PHACTR1: variants seen among roughly 807,000 people sequenced by gnomAD.
PHACTR1 encodes RPEL repeat containing 1.
Under a neutral mutation model 69.2 loss-of-function variants are expected in PHACTR1, and 16 were observed. That is an observed-to-expected ratio of 0.23 (90% CI 0.16 to 0.35). The LOEUF is 0.35. PHACTR1 is among the 10% of genes least tolerant of loss of function. The pLI is 1.00. For missense variants in PHACTR1, 510 were observed against 734.7 expected, an observed-to-expected ratio of 0.69 and a Z score of 3.54; for synonymous variants, 312 against 284.5, an observed-to-expected ratio of 1.10 and a Z score of -0.97.
At chr6:12,740,139 G>A (rs778787720) in intron 3 of PHACTR1, among the ~76,000 whole-genome samples, 23 of 152,052 alleles carry the variant, frequency 1.5e-4, no homozygotes, top group Non-Finnish European at 2.6e-4. Context: ...TAAGAGATTC[G>A]TCCTTGTTGC....
chr6:12,929,286 T>G (rs561871414), intron 4 of PHACTR1, among the ~76,000 whole-genome samples: 1 of 152,132 alleles, frequency 6.6e-6, no homozygotes, highest in Admixed American at 6.6e-5. Flanking sequence ...CCGCTTCTCC[T>G]GCCCTAACCT....
intron 4 of PHACTR1, among the ~76,000 whole-genome samples, chr6:12,992,980 G>A (rs1390574440): frequency 2.6e-5 from 4 of 152,206 alleles, no homozygotes; most frequent in Non-Finnish European, 5.9e-5. Flanking sequence ...CATGTTGCCT[G>A]CTTCTTTACT....
At chr6:13,087,456 T>A (rs1160522758) in intron 5 of PHACTR1, among the ~76,000 whole-genome samples, 2 of 151,846 alleles carry the variant, frequency 1.3e-5, no homozygotes, top group Non-Finnish European at 2.9e-5. Context: ...ATTATCAAAC[T>A]AAATTCATGT....
rs539462464 is a variant in PHACTR1 at position 13,266,292 on chromosome 6, C to T, written c.1392-6568C>T. On this transcript the variant is annotated intron_variant, in intron 10 of 14. Transcript: ENST00000332995. ...CCTCCACCATTTCTTACCAGGTGTG[C>T]CAAGCCTCCCAAAGCCTCTGCTCGG... Among the ~76,000 whole-genome samples, 4 of 152,254 alleles carry T rather than the reference C, an allele frequency of 2.6e-5. No homozygotes were observed. The East Asian group carries it at 7.7e-4, about 29-fold the overall frequency.
At chr6:12,718,345 C>A (rs1418575654) in intron 2 of PHACTR1, 1 of 152,440 alleles carries the variant, frequency 6.6e-6, no homozygotes, top group Non-Finnish European at 1.5e-5. Context: ...ACGGCTGACA[C>A]TTAATGACGC....
At chr6:13,053,877 C>T (rs937531473) in intron 5 of PHACTR1, among the ~76,000 whole-genome samples, 2 of 152,074 alleles carry the variant, frequency 1.3e-5, no homozygotes, top group African/African-American at 4.8e-5. Flanking sequence ...TTCACTATTC[C>T]AGTAAAAGTG....
intron 4 of PHACTR1, among the ~76,000 whole-genome samples, chr6:12,796,511 G>T (rs1212405306): frequency 6.6e-6 from 1 of 152,180 alleles, no homozygotes; most frequent in Non-Finnish European, 1.5e-5. Flanking sequence ...GACTTCGGAT[G>T]TCTTGATTTT....
chr6:13,115,323 G>A (rs1387510773), intron 5 of PHACTR1, among the ~76,000 whole-genome samples: 1 of 152,094 alleles, frequency 6.6e-6, no homozygotes, highest in Non-Finnish European at 1.5e-5. Context: ...CAGCTACACA[G>A]TACATTCAGG....
chr6:13,083,020 A>C (rs1436335076), intron 5 of PHACTR1, among the ~76,000 whole-genome samples: 1 of 152,156 alleles, frequency 6.6e-6, no homozygotes, highest in Non-Finnish European at 1.5e-5. Flanking sequence ...GTCCTTGCCC[A>C]TGTCTATGTC....
In PHACTR1 at chr6:13,179,612, C is replaced by A. The variant is rs1011610838; in HGVS notation, c.497-2907C>A. ...CTTATTGAATGGTTTTCATTTCTTT[C>A]TACTAGATATGTATACACATATATG... On this transcript the variant is annotated intron_variant, in intron 6 of 14. Transcript: ENST00000332995. This position sits in a 1 kb window ranked among gnomAD's most constrained non-coding sequence, Gnocchi z 4.2. 1.1e-4 allele frequency among the ~76,000 whole-genome samples: 16 copies of A among 151,686 alleles called. No individual in the cohort carries two copies. The East Asian group carries it at 3.1e-3, about 29-fold the overall frequency.
At chr6:13,063,112 A>T (rs569445225) in intron 5 of PHACTR1, among the ~76,000 whole-genome samples, 13 of 152,226 alleles carry the variant, frequency 8.5e-5, no homozygotes, top group Non-Finnish European at 1.9e-4. Context: ...TTCATAAAGG[A>T]TACCAGCTTA....
At position 13,067,182 on chromosome 6, in the gene PHACTR1, C is replaced by T. The variant is rs115852148; in HGVS notation, c.415+13653C>T. 3.1e-3 allele frequency among the ~76,000 whole-genome samples: 477 copies of T among 152,236 alleles called. 2 individuals carry two copies. Among genetic ancestry groups the T allele is most frequent in the African/African-American group, 0.011 (454 of 41,536 alleles). On this transcript the variant is annotated intron_variant, in intron 5 of 14. Transcript: ENST00000332995. ...CTATGTCGTATGAAATATACTTGAC[C>T]CTTTCCTTGCCTTATGGACTTGAAT...
intron 10 of PHACTR1, among the ~76,000 whole-genome samples, chr6:13,230,744 C>T (rs58962961): frequency 0.023 from 3,463 of 151,998 alleles, 130 homozygotes; most frequent in African/African-American, 0.08. Flanking sequence ...TGGCCAGGCA[C>T]GGTGGCTCAC....
chr6:13,120,469 C>G (rs192346696), intron 5 of PHACTR1, among the ~76,000 whole-genome samples: 1 of 152,154 alleles, frequency 6.6e-6, no homozygotes, highest in Non-Finnish European at 1.5e-5. Context: ...GGCTGACTGT[C>G]GAAGCACGCT....
intron 5 of PHACTR1, among the ~76,000 whole-genome samples, chr6:13,151,371 A>C (rs1257106761): frequency 6.6e-6 from 1 of 152,228 alleles, no homozygotes; most frequent in African/African-American, 2.4e-5. Context: ...TTACTTCATC[A>C]ATACTTAAAA....
intron 4 of PHACTR1, among the ~76,000 whole-genome samples, chr6:13,013,613 G>A (rs1387630555): frequency 1.3e-5 from 2 of 152,136 alleles, no homozygotes; most frequent in African/African-American, 4.8e-5. Flanking sequence ...GTGCACGTGA[G>A]ACCCCGAGAG....
chr6:12,765,179 T>C (rs1768460180), intron 4 of PHACTR1, among the ~76,000 whole-genome samples: 1 of 152,212 alleles, frequency 6.6e-6, no homozygotes, highest in South Asian at 2.1e-4. Flanking sequence ...CTTGATGTGG[T>C]ATCACCATGT....
At chr6:13,034,083 C>A (rs1802897566) in intron 4 of PHACTR1, among the ~76,000 whole-genome samples, 1 of 151,686 alleles carries the variant, frequency 6.6e-6, no homozygotes, top group South Asian at 2.1e-4. Context: ...GTGGCGCGAT[C>A]TCGGCTCACT....
rs569378078 is a variant in PHACTR1 at position 12,890,883 on chromosome 6, T to C, written c.250+141093T>C. 3.3e-5 allele frequency among the ~76,000 whole-genome samples: 5 copies of C among 152,330 alleles called. No homozygotes were observed. In the South Asian group the frequency reaches 1.0e-3, roughly 32 times the overall value. ...TTATATTTACTGTGTAATATCTATC[T>C]TCCCCTCACTGATGTAAGTTTGATG... is the stretch of plus-strand genomic sequence containing the variant. On this transcript the variant is annotated intron_variant, in intron 4 of 14. Coordinates refer to ENST00000332995, the MANE Select transcript of PHACTR1 (RefSeq NM_030948.6).
Sources: gnomAD v4.1 joint callset for allele counts (sites outside exome capture counted in the v4.1 genomes callset) on GRCh38, gnomAD v4.1.1 for gene constraint, Gnocchi (gnomAD v3.1) non-coding constraint, MANE v1.5 for transcripts, NCBI Gene and HGNC (gene_info 2026-07-23, HGNC 2026-07-21) for gene names.